Variants in SYT1 observed in about 807,000 individuals in gnomAD.
The protein encoded by SYT1 is synaptotagmin 1, also known as synaptotagmin-1.
A neutral mutation model predicts 44.8 loss-of-function variants in SYT1; 8 were observed. The observed-to-expected ratio is 0.18, with a 90% CI of 0.10 to 0.32. The LOEUF (loss-of-function observed/expected upper bound fraction) is 0.32, where lower values mean the gene tolerates loss of function less well. SYT1 is among the 10% of genes least tolerant of loss of function. SYT1 has a pLI of 1.00. For missense variants in SYT1, 286 were observed against 509.3 expected (o/e 0.56, Z 4.22); for synonymous variants, 154 against 188.8 (o/e 0.82, Z 1.51).
chr12:79,051,291 T>G (rs1239869894), intron 3 of SYT1, among the ~76,000 whole-genome samples: 1 of 150,742 alleles, frequency 6.6e-6, no homozygotes, highest in African/African-American at 2.4e-5. Context: ...GTTATATATC[T>G]CCACAGTATA....
At chr12:79,204,217 T>C (rs757687603) in intron 3 of SYT1, among the ~76,000 whole-genome samples, 4 of 152,252 alleles carry the variant, frequency 2.6e-5, no homozygotes, top group Admixed American at 6.5e-5. Flanking sequence ...GGTAATAGTA[T>C]AGCTTAATAA....
intron 8 of SYT1, among the ~76,000 whole-genome samples, chr12:79,327,238 T>C (rs551750322): frequency 1.3e-5 from 2 of 152,258 alleles, no homozygotes; most frequent in East Asian, 3.9e-4. Flanking sequence ...AATTTGTCTA[T>C]AGAAGTTTCT....
intron 3 of SYT1, among the ~76,000 whole-genome samples, chr12:79,067,443 A>C (rs907154632): frequency 6.6e-6 from 1 of 152,144 alleles, no homozygotes; most frequent in Admixed American, 6.6e-5. Flanking sequence ...TATCTATATA[A>C]ATATAGTCAT....
At chr12:79,286,982 A>G (rs896558145) in intron 5 of SYT1, among the ~76,000 whole-genome samples, 1 of 152,136 alleles carries the variant, frequency 6.6e-6, no homozygotes, top group Admixed American at 6.5e-5. Flanking sequence ...TATTAATCAA[A>G]CTCTTAAACC....
chr12:79,025,149 T>C (rs2137641574), intron 2 of SYT1, among the ~76,000 whole-genome samples: 1 of 151,970 alleles, frequency 6.6e-6, no homozygotes, highest in Non-Finnish European at 1.5e-5. Context: ...TAGGAAGTTA[T>C]GATTTGTCTA....
At chr12:79,235,670 T>C (rs1876146921) in intron 4 of SYT1, among the ~76,000 whole-genome samples, 1 of 149,260 alleles carries the variant, frequency 6.7e-6, no homozygotes, top group African/African-American at 2.4e-5. Flanking sequence ...GACATAGAAG[T>C]CATTTCCATA....
At chr12:79,128,752 A>G (rs1024121534) in intron 3 of SYT1, among the ~76,000 whole-genome samples, 15 of 152,338 alleles carry the variant, frequency 9.8e-5, no homozygotes, top group Admixed American at 3.3e-4. Flanking sequence ...CGTTCTGCAC[A>G]TGTATCCCTG....
chr12:79,170,660 T>C (rs577411319), intron 3 of SYT1, among the ~76,000 whole-genome samples: 1 of 152,278 alleles, frequency 6.6e-6, no homozygotes, highest in Non-Finnish European at 1.5e-5. Flanking sequence ...GTCTGTTTAC[T>C]CTGTTGATAG....
intron 3 of SYT1, among the ~76,000 whole-genome samples, chr12:79,062,763 C>T (rs12296724): frequency 0.21 from 31,547 of 152,016 alleles, 3,718 homozygotes; most frequent in African/African-American, 0.31. Context: ...GTGAGATTTT[C>T]CTAAAATGAT....
chr12:79,299,573 C>T, intron 8 of SYT1, 22 bp downstream of exon 8: 3 of 1,608,876 alleles, frequency 1.9e-6, no homozygotes, highest in Non-Finnish European at 1.7e-6. Context: ...ACTAGCATTT[C>T]TAACATCACA....
chr12:78,916,020 GT>G (rs1876631122), intron 1 of SYT1, among the ~76,000 whole-genome samples: 1 of 152,022 alleles, frequency 6.6e-6, no homozygotes. Context: ...TTAATCGGAT[GT>G]TTTTGTACCT....
intron 9 of SYT1, among the ~76,000 whole-genome samples, chr12:79,354,361 C>T (rs1192264611): frequency 6.6e-6 from 1 of 152,138 alleles, no homozygotes; most frequent in Non-Finnish European, 1.5e-5. Flanking sequence ...TCTTGATATG[C>T]CACAAGGTCA....
At chr12:78,963,520 T>C (rs530704442) in intron 1 of SYT1, among the ~76,000 whole-genome samples, 5 of 152,044 alleles carry the variant, frequency 3.3e-5, no homozygotes, top group Non-Finnish European at 7.4e-5. Flanking sequence ...AGAACAGACA[T>C]TTCTTTAAAG....
At chr12:79,404,655 C>T (rs946004450) in intron 9 of SYT1, among the ~76,000 whole-genome samples, 3 of 152,112 alleles carry the variant, frequency 2.0e-5, no homozygotes, top group Admixed American at 1.3e-4. Context: ...ACGTGACTTG[C>T]GACTTGCGTA....
intron 4 of SYT1, among the ~76,000 whole-genome samples, chr12:79,265,244 G>A (rs1344924833): frequency 6.6e-6 from 1 of 151,748 alleles, no homozygotes; most frequent in Non-Finnish European, 1.5e-5. Flanking sequence ...TCTCCACCTG[G>A]CTCTCATTTT....
At chr12:79,063,365 G>T (rs1401156281) in intron 3 of SYT1, among the ~76,000 whole-genome samples, 1 of 152,130 alleles carries the variant, frequency 6.6e-6, no homozygotes, top group African/African-American at 2.4e-5. Flanking sequence ...GTTGCCTGTA[G>T]CAAAAGCATA....
rs117506676 is a variant in SYT1 at position 78,972,499 on chromosome 12, A to G, written c.-216-5300A>G. ...CACAGAAGTTAAAATTAAGGGTGCC[A>G]TAAGCAAATAACTTGGCAGCTTTTC... is the stretch of plus-strand genomic sequence containing the variant. On this transcript the variant is annotated intron_variant, in intron 1 of 10. Coordinates refer to ENST00000261205, the MANE Select transcript of SYT1 (RefSeq NM_005639.3). Among the ~76,000 whole-genome samples the G allele has an allele frequency of 1.1e-4, 17 of 150,464 alleles. No individual in the cohort carries two copies. The East Asian group carries it at 2.5e-3, about 22-fold the overall frequency.
intron 4 of SYT1, among the ~76,000 whole-genome samples, chr12:79,227,630 A>G (rs766083925): frequency 1.4e-4 from 22 of 152,206 alleles, no homozygotes; most frequent in Non-Finnish European, 2.9e-4. Flanking sequence ...AGACTACAAG[A>G]GTTCAAACCC....
At chr12:79,349,877 A>T (rs2135998001) in intron 8 of SYT1, among the ~76,000 whole-genome samples, 1 of 152,302 alleles carries the variant, frequency 6.6e-6, no homozygotes, top group Non-Finnish European at 1.5e-5. Flanking sequence ...GTTTGATGTA[A>T]AACTGTTCAT....
Sources: allele counts gnomAD v4.1 joint callset (sites outside exome capture counted in the v4.1 genomes callset), GRCh38; gene constraint gnomAD v4.1.1; transcripts MANE v1.5; gene names NCBI Gene and HGNC (gene_info 2026-07-23, HGNC 2026-07-21).